NTM: variants seen among roughly 807,000 people sequenced by gnomAD.
The protein encoded by NTM is neurotrimin.
A neutral mutation model predicts 42.1 loss-of-function variants in NTM; 13 were observed. The observed-to-expected ratio is 0.31, with a 90% CI of 0.20 to 0.49. The LOEUF is 0.49. Among genes scored for constraint, NTM ranks in the 20% least tolerant of loss-of-function variants. The pLI, the probability that NTM is intolerant of heterozygous loss-of-function variation, is 0.99. For missense variants in NTM, 373 were observed against 452.8 expected (o/e 0.82, Z 1.60); for synonymous variants, 187 against 179.2 (o/e 1.04, Z -0.35).
intron 1 of NTM, among the ~76,000 whole-genome samples, chr11:131,380,812 T>C (rs900734782): frequency 1.3e-5 from 2 of 152,224 alleles, no homozygotes; most frequent in East Asian, 3.9e-4. Flanking sequence ...CTATTGTTCA[T>C]TCAACTCTTC....
At chr11:132,241,100 T>A (rs2090117424) in intron 4 of NTM, among the ~76,000 whole-genome samples, 1 of 152,236 alleles carries the variant, frequency 6.6e-6, no homozygotes, top group East Asian at 1.9e-4. Flanking sequence ...GTGAATTTTA[T>A]GTTTAGACTT....
intron 1 of NTM, among the ~76,000 whole-genome samples, chr11:131,530,978 T>G (rs2051188024): frequency 6.6e-6 from 1 of 152,154 alleles, no homozygotes; most frequent in Non-Finnish European, 1.5e-5. Context: ...TGGAGGCTTC[T>G]GCAATAGATG....
chr11:132,303,930 C>T lies in NTM; in HGVS notation c.527-3759C>T, dbSNP rs767736574. Among the ~76,000 whole-genome samples, 5 of 152,058 alleles carry T rather than the reference C, an allele frequency of 3.3e-5. No homozygotes were observed. In the South Asian group the frequency reaches 6.2e-4, roughly 19 times the overall value. On this transcript the variant is annotated intron_variant, in intron 4 of 8. Transcript: ENST00000683400. ...TCACAGCAACCCTAGAAGTAGGTAA[C>T]GTTATTCTGATTGTGCAGATGAAGA...
chr11:132,247,462 A>T (rs966555925), intron 4 of NTM, among the ~76,000 whole-genome samples: 1 of 152,204 alleles, frequency 6.6e-6, no homozygotes, highest in Non-Finnish European at 1.5e-5. Flanking sequence ...GTGCTATAGA[A>T]AACTTAGATA....
At chr11:131,715,162 C>G (rs186356236) in intron 1 of NTM, among the ~76,000 whole-genome samples, 1 of 152,142 alleles carries the variant, frequency 6.6e-6, no homozygotes, top group African/African-American at 2.4e-5. Context: ...GTGGCTTAAA[C>G]AAGATGGAAT....
chr11:131,519,577 T>G (rs987466328), intron 1 of NTM, among the ~76,000 whole-genome samples: 4 of 147,962 alleles, frequency 2.7e-5, no homozygotes, highest in Admixed American at 2.0e-4. Context: ...CATCTTTAGT[T>G]TTATTTCTGG....
chr11:131,654,797 C>T (rs926781547), intron 1 of NTM, among the ~76,000 whole-genome samples: 1 of 152,190 alleles, frequency 6.6e-6, no homozygotes, highest in African/African-American at 2.4e-5. Context: ...TGAGTGGAAG[C>T]TCCCTGAGGC....
rs114039124 is a variant in NTM at position 131,991,607 on chromosome 11, A to G, written c.167+79959A>G. Among the ~76,000 whole-genome samples the G allele has an allele frequency of 8.3e-3, 1,268 of 152,326 alleles. 22 individuals are homozygous for G. Among genetic ancestry groups the G allele is most frequent in the African/African-American group, 0.029 (1,217 of 41,572 alleles). On this transcript the variant is annotated intron_variant, in intron 2 of 8. Transcript: ENST00000683400. Reference sequence around the variant, plus strand: ...CCACATGACCAAAGCCATGTCAAGTATAAACATTTTATGTAAAATGTAGCT... The same window carrying G: ...CCACATGACCAAAGCCATGTCAAGTGTAAACATTTTATGTAAAATGTAGCT...
intron 2 of NTM, among the ~76,000 whole-genome samples, chr11:132,096,273 G>A (rs74803254): frequency 0.015 from 2,314 of 152,200 alleles, 60 homozygotes; most frequent in African/African-American, 0.051. Context: ...TGTTGTAATT[G>A]GCCGGGCATT....
At chr11:131,764,089 T>C (rs2084718127) in intron 1 of NTM, among the ~76,000 whole-genome samples, 1 of 152,068 alleles carries the variant, frequency 6.6e-6, no homozygotes, top group Admixed American at 6.6e-5. Flanking sequence ...AGAGTAATAA[T>C]AAAACTAAAT....
At chr11:131,531,811 G>T (rs147572181) in intron 1 of NTM, among the ~76,000 whole-genome samples, 1 of 152,294 alleles carries the variant, frequency 6.6e-6, no homozygotes, top group Non-Finnish European at 1.5e-5. Context: ...CTGATAGGAG[G>T]GGAATTAACT....
At chr11:131,837,114 G>A (rs1249891823) in intron 1 of NTM, among the ~76,000 whole-genome samples, 1 of 152,156 alleles carries the variant, frequency 6.6e-6, no homozygotes, top group Non-Finnish European at 1.5e-5. Flanking sequence ...AAGTACATAC[G>A]TATTAACATA....
intron 1 of NTM, chr11:131,533,904 C>T (rs1279934363): frequency 6.6e-6 from 1 of 152,214 alleles, no homozygotes; most frequent in African/African-American, 2.4e-5. Context: ...TTTGAAGCCC[C>T]CTGTCCCACG....
chr11:132,285,229 T>A (rs1196829513), intron 4 of NTM: 3 of 152,710 alleles, frequency 2.0e-5, no homozygotes, highest in Non-Finnish European at 4.4e-5. Flanking sequence ...TTGCCCTCTG[T>A]GGCTTCACAT....
At chr11:131,816,232 A>G (rs1317782325) in intron 1 of NTM, among the ~76,000 whole-genome samples, 3 of 152,184 alleles carry the variant, frequency 2.0e-5, no homozygotes, top group African/African-American at 7.2e-5. Context: ...TCAGTCACTC[A>G]TCATGAAAGC....
At chr11:132,261,816 A>G (rs1466140096) in intron 4 of NTM, among the ~76,000 whole-genome samples, 1 of 152,216 alleles carries the variant, frequency 6.6e-6, no homozygotes, top group African/African-American at 2.4e-5. Flanking sequence ...GGAAGGGAGA[A>G]AGCAGACAGA....
At chr11:131,656,917 C>A (rs146216379) in intron 1 of NTM, among the ~76,000 whole-genome samples, 76 of 152,006 alleles carry the variant, frequency 5.0e-4, no homozygotes, top group East Asian at 2.9e-3. Context: ...TAAGTTTGAC[C>A]GAGTCATCTG....
chr11:131,859,521 G>A (rs1303487631), intron 1 of NTM, among the ~76,000 whole-genome samples: 1 of 152,130 alleles, frequency 6.6e-6, no homozygotes, highest in Non-Finnish European at 1.5e-5. Context: ...AGTCTAACAA[G>A]ACTTGAGAGG....
At chr11:131,976,549 C>A (rs1593329438) in intron 2 of NTM, among the ~76,000 whole-genome samples, 2 of 152,144 alleles carry the variant, frequency 1.3e-5, no homozygotes, top group East Asian at 3.9e-4. Flanking sequence ...CTGTTCAACA[C>A]ACAGATAATT....
Sources: gnomAD v4.1 joint callset for allele counts (sites outside exome capture counted in the v4.1 genomes callset) on GRCh38, gnomAD v4.1.1 for gene constraint, MANE v1.5 for transcripts, NCBI Gene and HGNC (gene_info 2026-07-23, HGNC 2026-07-21) for gene names.